Variants in SLC9A7 observed in about 807,000 individuals in gnomAD.
SLC9A7 encodes the protein solute carrier family 9 member A7.
Under a neutral mutation model 52.6 loss-of-function variants are expected in SLC9A7, and 19 were observed. That is an observed-to-expected ratio of 0.36 (90% CI 0.25 to 0.53). The LOEUF is 0.53. Among genes scored for constraint, SLC9A7 ranks in the 20% least tolerant of loss-of-function variants. The probability of loss-of-function intolerance (pLI) is 0.91; values close to 1 mark genes in which losing one functional copy is unlikely to be tolerated. For missense variants in SLC9A7, 455 were observed against 597.9 expected (o/e 0.76, Z 2.49); for synonymous variants, 226 against 252.1 (o/e 0.90, Z 0.98).
At chrX:46,624,722 A>G (rs746293321) in intron 14 of SLC9A7, among the ~76,000 whole-genome samples, 2 of 112,436 alleles carry the variant, frequency 1.8e-5, no homozygotes, top group African/African-American at 6.5e-5. Context: ...TTGGGGGAAA[A>G]AAACGCCTAG....
intron 1 of SLC9A7, among the ~76,000 whole-genome samples, chrX:46,686,945 G>GA (rs943640789): frequency 3.6e-5 from 4 of 112,212 alleles, no homozygotes; most frequent in African/African-American, 6.5e-5. Context: ...TTGTGGATAG[G>GA]AAAAAAACTC....
At chrX:46,736,865 T>C (rs1284150144) in intron 1 of SLC9A7, among the ~76,000 whole-genome samples, 1 of 111,270 alleles carries the variant, frequency 9.0e-6, no homozygotes, top group Non-Finnish European at 1.9e-5. Context: ...TTGATGCTTG[T>C]TAGCTTTATA....
chrX:46,650,059 A>T (rs1943557029), intron 10 of SLC9A7, among the ~76,000 whole-genome samples: 1 of 112,712 alleles, frequency 8.9e-6, no homozygotes, highest in Non-Finnish European at 1.9e-5. Flanking sequence ...TAAGCGTAGG[A>T]GGCTCTCACG....
chrX:46,663,473 T>C (rs1279836111), intron 5 of SLC9A7, among the ~76,000 whole-genome samples: 2 of 103,487 alleles, frequency 1.9e-5, no homozygotes, highest in Non-Finnish European at 3.9e-5. Flanking sequence ...GCCCCGTCTC[T>C]ACTAAAAATA....
chrX:46,641,601 G>A (rs997884515), intron 12 of SLC9A7, among the ~76,000 whole-genome samples: 1 of 112,060 alleles, frequency 8.9e-6, no homozygotes, highest in Non-Finnish European at 1.9e-5. Flanking sequence ...AAAAGTAAGA[G>A]ACTGTAAATT....
At chrX:46,710,307 G>A (rs976918314) in intron 1 of SLC9A7, among the ~76,000 whole-genome samples, 3 of 111,992 alleles carry the variant, frequency 2.7e-5, no homozygotes, top group African/African-American at 9.7e-5. Context: ...ACTGCCATGT[G>A]ACAAGAAGAA....
chrX:46,689,603 T>C (rs2146888915), intron 1 of SLC9A7, among the ~76,000 whole-genome samples: 1 of 107,181 alleles, frequency 9.3e-6, no homozygotes, highest in Admixed American at 1.0e-4. Context: ...TTTTTTTTTT[T>C]TCAGTTCTTT....
chrX:46,710,174 G>A (rs1944665867), intron 1 of SLC9A7, among the ~76,000 whole-genome samples: 1 of 112,307 alleles, frequency 8.9e-6, no homozygotes, highest in African/African-American at 3.2e-5. Context: ...AGCTAGCTGT[G>A]CACAAATGAT....
In SLC9A7 at chrX:46,758,827, C is replaced by T; in HGVS notation, c.203G>A (p.Arg68Gln). 1 of 1,206,925 alleles carries T rather than the reference C, an allele frequency of 8.3e-7. No homozygotes were observed. Among genetic ancestry groups the T allele is most frequent in the Non-Finnish European group, 1.1e-6 (1 of 893,398 alleles). Residue 68 changes from arginine to glutamine, a missense_variant, in exon 1 of 17, where the codon CGG becomes CAG. Physicochemically the swap from Arg to Gln is conservative, Grantham distance 43 (BLOSUM62 1). This residue lies in a region of SLC9A7 where 304 missense variants were observed against 417.8 expected (regional missense o/e 0.73). Transcript: ENST00000616978. ...ATEKEAEESH[R>Q]QDSVSLLTFI... is the part of the protein sequence containing the mutation. ...GGTGAGCAGGCTCACGCTGTCTTGC[C>T]GGTGGCTCTCCTCCGCCTCCTTCTC...
chrX:46,730,164 A>G lies in SLC9A7; in HGVS notation c.325+28541T>C, dbSNP rs368049138. 9.0e-5 allele frequency among the ~76,000 whole-genome samples: 10 copies of G among 111,505 alleles called. No individual in the cohort carries two copies. The South Asian group carries it at 3.8e-3, about 42-fold the overall frequency. The stretch of plus-strand genomic sequence containing the variant: ...ATCCAACATTTACACTAGAAATCCT[A>G]ATCAATCTTCACAATGTTGATTTCT... On this transcript the variant is annotated intron_variant, in intron 1 of 16. Coordinates refer to ENST00000616978, the MANE Select transcript of SLC9A7 (RefSeq NM_001257291.2).
intron 14 of SLC9A7, among the ~76,000 whole-genome samples, chrX:46,630,335 A>C (rs1372413443): frequency 8.9e-6 from 1 of 111,947 alleles, no homozygotes; most frequent in Non-Finnish European, 1.9e-5. Flanking sequence ...ATGATGAGTC[A>C]GATTCAAAGC....
intron 7 of SLC9A7, among the ~76,000 whole-genome samples, chrX:46,655,951 T>G (rs1181963260): frequency 9.0e-6 from 1 of 111,523 alleles, no homozygotes; most frequent in Non-Finnish European, 1.9e-5. Context: ...AGCAGTAACC[T>G]CCGCAGACTT....
chrX:46,622,915 C>T (rs1943069051), intron 14 of SLC9A7, among the ~76,000 whole-genome samples: 2 of 111,710 alleles, frequency 1.8e-5, no homozygotes, highest in African/African-American at 6.5e-5. Flanking sequence ...CAGCAAATCC[C>T]GAAATGTAAG....
intron 1 of SLC9A7, among the ~76,000 whole-genome samples, chrX:46,713,552 G>C (rs749019658): frequency 9.1e-6 from 1 of 109,447 alleles, no homozygotes; most frequent in South Asian, 3.9e-4. Context: ...AATGCACAAG[G>C]CTTCTCCAGG....
At chrX:46,713,844 G>C (rs1944728195) in intron 1 of SLC9A7, among the ~76,000 whole-genome samples, 1 of 109,368 alleles carries the variant, frequency 9.1e-6, no homozygotes, top group South Asian at 3.8e-4. Flanking sequence ...AAACGTTTTG[G>C]AGAAGTGAAA....
At chrX:46,724,727 T>C (rs1386458012) in intron 1 of SLC9A7, among the ~76,000 whole-genome samples, 4 of 111,525 alleles carry the variant, frequency 3.6e-5, no homozygotes, top group Non-Finnish European at 5.6e-5. Context: ...AACCAACCTA[T>C]AATACCACAA....
At position 46,709,028 on chromosome X, in the gene SLC9A7, A is replaced by G. The variant is rs189877389; in HGVS notation, c.326-26493T>C. 3.6e-5 allele frequency among the ~76,000 whole-genome samples: 4 copies of G among 111,362 alleles called. No homozygotes were observed. In the East Asian group the frequency reaches 1.1e-3, roughly 31 times the overall value. On this transcript the variant is annotated intron_variant, in intron 1 of 16. Coordinates refer to ENST00000616978, the MANE Select transcript of SLC9A7 (RefSeq NM_001257291.2). Reference sequence around the variant, plus strand: ...AAATAGTATGTTGTAAGTGGTAAGGAGGAAAGGAGCTCAGGCAGTGTCGTG... The same window carrying G: ...AAATAGTATGTTGTAAGTGGTAAGGGGGAAAGGAGCTCAGGCAGTGTCGTG...
intron 1 of SLC9A7, among the ~76,000 whole-genome samples, chrX:46,752,105 A>G (rs141592171): frequency 3.0e-4 from 34 of 112,141 alleles, no homozygotes; most frequent in South Asian, 1.5e-3. Context: ...ACCTACATTT[A>G]ACAGTTAGCT....
chrX:46,686,278 T>G lies in SLC9A7; in HGVS notation c.326-3743A>C, dbSNP rs750639562. ...AACACAAAACACCACAGCAGAGATG[T>G]AAGGTTAACACCATCCTGACAGTTT... On this transcript the variant is annotated intron_variant, in intron 1 of 16. Transcript: ENST00000616978. 2.7e-5 allele frequency among the ~76,000 whole-genome samples: 3 copies of G among 111,826 alleles called. No individual in the cohort carries two copies. In the East Asian group the frequency reaches 8.4e-4, roughly 31 times the overall value.
Sources: allele counts gnomAD v4.1 joint callset (sites outside exome capture counted in the v4.1 genomes callset), GRCh38; gene constraint gnomAD v4.1.1; regional missense constraint gnomAD v4.1.1; transcripts MANE v1.5; gene names NCBI Gene and HGNC (gene_info 2026-07-23, HGNC 2026-07-21).